The following FBXO36 variants were observed in gnomAD, a reference collection of about 807,000 sequenced individuals.
FBXO36 encodes the protein F-box protein 36.
A neutral mutation model predicts 17.0 loss-of-function variants in FBXO36; 18 were observed. The ratio of observed to expected loss-of-function variants is 1.06; its 90% CI spans 0.73 to 1.57. The LOEUF is 1.57. Ranked by LOEUF, FBXO36 falls within the 40% of genes most tolerant of loss-of-function variation. The probability of loss-of-function intolerance (pLI) is 0.00; values close to 1 mark genes in which losing one functional copy is unlikely to be tolerated. For missense variants in FBXO36, 229 were observed against 221.9 expected (o/e 1.03, Z -0.20); for synonymous variants, 83 against 85.3 (o/e 0.97, Z 0.15).
At chr2:229,989,552 C>T (rs1285465829) in intron 2 of FBXO36, among the ~76,000 whole-genome samples, 2 of 151,800 alleles carry the variant, frequency 1.3e-5, no homozygotes, top group African/African-American at 2.4e-5. Flanking sequence ...CCACCACGCC[C>T]GGCCATGATA....
At chr2:229,973,872 C>A (rs1214482797) in intron 1 of FBXO36, among the ~76,000 whole-genome samples, 3 of 151,678 alleles carry the variant, frequency 2.0e-5, no homozygotes, top group African/African-American at 7.3e-5. Context: ...CTTGGTGAAA[C>A]CCCATCACTA....
intron 1 of FBXO36, among the ~76,000 whole-genome samples, chr2:229,963,546 A>G (rs1275095415): frequency 4.8e-5 from 7 of 146,186 alleles, no homozygotes. Context: ...GTGGGTTCAC[A>G]CCATTCTCCT....
At chr2:229,987,800 T>C (rs924106648) in intron 2 of FBXO36, among the ~76,000 whole-genome samples, 1 of 152,058 alleles carries the variant, frequency 6.6e-6, no homozygotes, top group African/African-American at 2.4e-5. Context: ...CTGGATAATT[T>C]TGTAGAGACA....
rs966134944 is a variant in FBXO36 at position 230,001,291 on chromosome 2, CT to C, written c.378+4377del. 2.0e-3 allele frequency among the ~76,000 whole-genome samples: 297 copies of C among 150,368 alleles called. 1 individual carries two copies. Among genetic ancestry groups the C allele is most frequent in the African/African-American group, 6.9e-3 (284 of 40,998 alleles). On this transcript the variant is annotated intron_variant, in intron 3 of 3. Transcript: ENST00000283946. ...ATAAGTTATTTTCTTTTTCTTTTTT[CT>C]TTTTTTTTCTTTTGAGACAGAGTCT...
In FBXO36 at chr2:230,011,184, T is replaced by C; in HGVS notation, c.*300T>C. On this transcript the variant is annotated 3_prime_UTR_variant, in exon 4 of 4. Transcript: ENST00000283946. Reference sequence around the variant, plus strand: ...TTATAAAAGAGGTTTCTATTGTATATAAACAAACAATAAATGATTATTAGC... The same window carrying C: ...TTATAAAAGAGGTTTCTATTGTATACAAACAAACAATAAATGATTATTAGC... 4.7e-6 allele frequency: 1 copy of C among 212,764 alleles called. No homozygotes were observed. Among genetic ancestry groups the C allele is most frequent in the Non-Finnish European group, 9.3e-6 (1 of 107,442 alleles). The allele number at this position is 212,764 out of a possible 1,614,324, so 13.2% of individuals were successfully genotyped here.
intron 3 of FBXO36, among the ~76,000 whole-genome samples, chr2:230,009,744 A>T (rs559203133): frequency 6.6e-6 from 1 of 151,874 alleles, no homozygotes; most frequent in East Asian, 1.9e-4. Context: ...GGACTTCGAG[A>T]CCAGCCTGAT....
Position 229,988,842 on chromosome 2 carries a change from TTG to T in FBXO36, c.206-7907_206-7906del, listed in dbSNP as rs1491026425. On this transcript the variant is annotated intron_variant, in intron 2 of 3. Coordinates refer to ENST00000283946, the MANE Select transcript of FBXO36 (RefSeq NM_174899.5). ...CATGCTGGCCTGTTTTTTTTTTTTT[TTG>T]TTTTTTTTTTTTTACCGCATAGTAT... Among the ~76,000 whole-genome samples the T allele has an allele frequency of 3.7e-3, 490 of 130,832 alleles. 4 individuals are homozygous for T. The highest frequency in any genetic ancestry group is 5.5e-3 in the Non-Finnish European group (335 of 60,986). The allele number at this position is 130,832 out of a possible 152,430, so 85.8% of individuals were successfully genotyped here. A position where few individuals can be genotyped will look rare whatever the true frequency, so the allele number is the denominator to read the frequency against.
chr2:229,946,437 T>C (rs2077027504), intron 1 of FBXO36, among the ~76,000 whole-genome samples: 1 of 152,198 alleles, frequency 6.6e-6, no homozygotes, highest in African/African-American at 2.4e-5. Flanking sequence ...TCCCCTTAAC[T>C]TGGCCTTTTT....
At chr2:229,979,593 A>G (rs954987953) in intron 2 of FBXO36, among the ~76,000 whole-genome samples, 3 of 152,054 alleles carry the variant, frequency 2.0e-5, no homozygotes, top group African/African-American at 7.2e-5. Flanking sequence ...CAGCTTGGCC[A>G]ACATGGTGAA....
chr2:229,976,601 A>ACC, intron 2 of FBXO36: 1 of 300,850 alleles, frequency 3.3e-6, no homozygotes, highest in Non-Finnish European at 6.2e-6. Flanking sequence ...CGGGTGGATC[A>ACC]TGATGTCAGG....
At chr2:229,982,496 A>T (rs548600441) in intron 2 of FBXO36, among the ~76,000 whole-genome samples, 2 of 152,080 alleles carry the variant, frequency 1.3e-5, no homozygotes, top group South Asian at 4.2e-4. Flanking sequence ...ATAATCCAGG[A>T]TTATCTCCCA....
At chr2:229,996,324 A>G (rs1184355584) in intron 2 of FBXO36, among the ~76,000 whole-genome samples, 2 of 152,114 alleles carry the variant, frequency 1.3e-5, no homozygotes, top group Non-Finnish European at 1.5e-5. Flanking sequence ...TTAGGAGACA[A>G]TGTGTTTTAG....
chr2:229,940,002 G>T (rs1201381698), intron 1 of FBXO36, among the ~76,000 whole-genome samples: 3 of 152,012 alleles, frequency 2.0e-5, no homozygotes, highest in Non-Finnish European at 4.4e-5. Flanking sequence ...GATTGCTTAA[G>T]CCCGGGAGTC....
At chr2:229,932,327 C>G (rs915031774) in intron 1 of FBXO36, among the ~76,000 whole-genome samples, 2 of 152,094 alleles carry the variant, frequency 1.3e-5, no homozygotes, top group African/African-American at 4.8e-5. Flanking sequence ...TCGAGACCAG[C>G]CTGACCAACA....
intron 1 of FBXO36, among the ~76,000 whole-genome samples, chr2:229,929,636 G>A (rs1021140522): frequency 5.9e-5 from 9 of 151,818 alleles, no homozygotes; most frequent in African/African-American, 1.7e-4. Context: ...ACTTTGAGAG[G>A]ATGAAGCAGA....
intron 2 of FBXO36, among the ~76,000 whole-genome samples, chr2:229,992,602 T>G (rs542607163): frequency 6.6e-6 from 1 of 152,364 alleles, no homozygotes; most frequent in African/African-American, 2.4e-5. Flanking sequence ...TCAAAGCCAC[T>G]CTTACATTTT....
chr2:229,951,598 C>T (rs559446066), intron 1 of FBXO36, among the ~76,000 whole-genome samples: 1 of 152,328 alleles, frequency 6.6e-6, no homozygotes, highest in African/African-American at 2.4e-5. Flanking sequence ...ATGATGCTTA[C>T]TCAGGTAGAC....
intron 2 of FBXO36, among the ~76,000 whole-genome samples, chr2:229,996,295 G>T (rs887189126): frequency 1.3e-5 from 2 of 151,916 alleles, no homozygotes; most frequent in Non-Finnish European, 2.9e-5. Flanking sequence ...TTAAATAAGA[G>T]ATCAAATGTC....
At chr2:229,970,744 C>T (rs1223006587) in intron 1 of FBXO36, among the ~76,000 whole-genome samples, 1 of 152,058 alleles carries the variant, frequency 6.6e-6, no homozygotes, top group Non-Finnish European at 1.5e-5. Flanking sequence ...CTGTGTATTC[C>T]ACTTATATTT....
Sources: allele counts gnomAD v4.1 joint callset (sites outside exome capture counted in the v4.1 genomes callset), GRCh38; gene constraint gnomAD v4.1.1; transcripts MANE v1.5; gene names NCBI Gene and HGNC (gene_info 2026-07-23, HGNC 2026-07-21).